The following OPCML variants were observed in gnomAD, a reference collection of about 807,000 sequenced individuals.
The protein encoded by OPCML is opioid binding protein/cell adhesion molecule like, also known as opioid-binding protein/cell adhesion molecule.
In OPCML, 13 loss-of-function variants were observed where a neutral mutation model predicts 37.8. That is an observed-to-expected ratio of 0.34 (90% confidence interval 0.22 to 0.55). The LOEUF (loss-of-function observed/expected upper bound fraction) is 0.55. OPCML is among the 20% of genes least tolerant of loss of function. OPCML has a pLI of 0.91. For missense variants in OPCML, 341 were observed against 435.6 expected (o/e 0.78, Z 1.93); for synonymous variants, 176 against 168.8 (o/e 1.04, Z -0.33).
At chr11:133,439,299 T>G (rs1439988441) in intron 1 of OPCML, 1 of 984,884 alleles carries the variant, frequency 1.0e-6, no homozygotes, top group African/African-American at 1.7e-5. Context: ...GATGTTTTTT[T>G]TTTTTTTTTA....
intron 1 of OPCML, among the ~76,000 whole-genome samples, chr11:133,062,072 G>A (rs1948352658): frequency 6.6e-6 from 1 of 152,144 alleles, no homozygotes; most frequent in African/African-American, 2.4e-5. Flanking sequence ...CTGTTAGCCT[G>A]GCCTAAGCTC....
intron 1 of OPCML, among the ~76,000 whole-genome samples, chr11:133,247,898 C>T (rs1251402141): frequency 2.0e-5 from 3 of 152,074 alleles, no homozygotes; most frequent in African/African-American, 4.8e-5. Context: ...CATGAGCCAC[C>T]GCACCCAGCC....
At chr11:132,613,349 C>A (rs1591625391) in intron 3 of OPCML, among the ~76,000 whole-genome samples, 2 of 152,248 alleles carry the variant, frequency 1.3e-5, no homozygotes, top group South Asian at 2.1e-4. Flanking sequence ...GACATCCTCA[C>A]TGAACTTTAA....
At chr11:132,881,458 C>T (rs1332197283) in intron 2 of OPCML, among the ~76,000 whole-genome samples, 3 of 152,134 alleles carry the variant, frequency 2.0e-5, no homozygotes, top group Admixed American at 6.5e-5. Flanking sequence ...GTGAGGCTGG[C>T]AGGAGGCCTG....
chr11:133,055,084 C>T (rs112720146), intron 1 of OPCML, among the ~76,000 whole-genome samples: 1 of 150,676 alleles, frequency 6.6e-6, no homozygotes, highest in African/African-American at 2.4e-5. Flanking sequence ...TGGTGAGACT[C>T]CATGAGGGAG....
chr11:132,979,586 G>A (rs187875540), intron 1 of OPCML, among the ~76,000 whole-genome samples: 4 of 152,290 alleles, frequency 2.6e-5, no homozygotes, highest in Admixed American at 6.5e-5. Flanking sequence ...TCCCCAGCCC[G>A]ATTTTTCTAG....
At chr11:133,160,974 G>A (rs1447449019) in intron 1 of OPCML, among the ~76,000 whole-genome samples, 2 of 152,194 alleles carry the variant, frequency 1.3e-5, no homozygotes, top group East Asian at 1.9e-4. Context: ...AAGCAGCCCC[G>A]GCCCAGGTAC....
At chr11:132,712,063 C>G (rs1944286422) in intron 2 of OPCML, among the ~76,000 whole-genome samples, 1 of 152,174 alleles carries the variant, frequency 6.6e-6, no homozygotes, top group Admixed American at 6.5e-5. Context: ...ATTCCCTCAC[C>G]CTCTAAAGCC....
intron 3 of OPCML, among the ~76,000 whole-genome samples, chr11:132,643,773 C>T (rs1458509042): frequency 6.6e-6 from 1 of 152,192 alleles, no homozygotes; most frequent in African/African-American, 2.4e-5. Flanking sequence ...GTCAAACTCT[C>T]CCATGCCTCT....
At chr11:133,230,513 C>T (rs571872442) in intron 1 of OPCML, among the ~76,000 whole-genome samples, 1 of 152,288 alleles carries the variant, frequency 6.6e-6, no homozygotes, top group East Asian at 1.9e-4. Flanking sequence ...CTAACTGAAA[C>T]AAGAGGTTTT....
At chr11:132,983,126 C>G (rs1946621077) in intron 1 of OPCML, among the ~76,000 whole-genome samples, 1 of 152,200 alleles carries the variant, frequency 6.6e-6, no homozygotes, top group African/African-American at 2.4e-5. Context: ...AACAGCCCCC[C>G]TCCAGCTTGC....
intron 1 of OPCML, among the ~76,000 whole-genome samples, chr11:133,099,024 C>A (rs1298558662): frequency 1.3e-5 from 2 of 152,074 alleles, no homozygotes; most frequent in African/African-American, 2.4e-5. Context: ...TTCCTATATA[C>A]CGGCAATGAA....
chr11:133,396,822 A>G (rs533655652), intron 1 of OPCML, among the ~76,000 whole-genome samples: 7 of 152,276 alleles, frequency 4.6e-5, no homozygotes, highest in Middle Eastern at 6.8e-3. Context: ...CCTCCTTTAT[A>G]AAACCTTTTC....
intron 2 of OPCML, among the ~76,000 whole-genome samples, chr11:132,925,273 C>A (rs987219005): frequency 1.3e-5 from 2 of 152,198 alleles, no homozygotes; most frequent in African/African-American, 4.8e-5. Context: ...GAGTCTTATG[C>A]TGATGTTTTC....
chr11:133,153,527 G>A (rs144239564), intron 1 of OPCML, among the ~76,000 whole-genome samples: 3 of 152,226 alleles, frequency 2.0e-5, no homozygotes, highest in Non-Finnish European at 2.9e-5. Flanking sequence ...AAAGCTCTCT[G>A]CACCCGGGCC....
intron 1 of OPCML, among the ~76,000 whole-genome samples, chr11:133,109,766 A>T: frequency 6.6e-6 from 1 of 152,210 alleles, no homozygotes; most frequent in East Asian, 1.9e-4. Flanking sequence ...GTCAGGAAGC[A>T]TTGTTGAACC....
At chr11:132,918,608 A>AT (rs1299286112) in intron 2 of OPCML, among the ~76,000 whole-genome samples, 5 of 152,078 alleles carry the variant, frequency 3.3e-5, no homozygotes, top group African/African-American at 1.2e-4. Context: ...ATCTCCAATA[A>AT]TTTTTTCTAG....
chr11:132,958,887 T>C (rs1946025198), intron 1 of OPCML, among the ~76,000 whole-genome samples: 2 of 152,200 alleles, frequency 1.3e-5, no homozygotes, highest in Admixed American at 1.3e-4. Context: ...CCAATGAAGA[T>C]ATACAGAGAG....
intron 1 of OPCML, among the ~76,000 whole-genome samples, chr11:133,323,565 G>A (rs1010911990): frequency 2.0e-5 from 3 of 152,144 alleles, no homozygotes; most frequent in Non-Finnish European, 4.4e-5. Context: ...TGCTATTGGT[G>A]GTGTTCAGTC....
Sources: allele counts gnomAD v4.1 joint callset (sites outside exome capture counted in the v4.1 genomes callset), GRCh38; gene constraint gnomAD v4.1.1; transcripts MANE v1.5; gene names NCBI Gene and HGNC (gene_info 2026-07-23, HGNC 2026-07-21).